Variants in RNF139 observed in about 807,000 individuals in gnomAD.
RNF139 encodes the protein ring finger protein 139.
Under a neutral mutation model 49.5 loss-of-function variants are expected in RNF139, and 15 were observed. The observed-to-expected ratio is 0.30, with a 90% CI of 0.20 to 0.47. The LOEUF is 0.47. Among genes scored for constraint, RNF139 ranks in the 20% least tolerant of loss-of-function variants. The pLI is 1.00. For synonymous variants in RNF139, 325 were observed against 300.9 expected, an observed-to-expected ratio of 1.08 and a Z score of -0.83; for missense variants, 619 against 806.3, an observed-to-expected ratio of 0.77 and a Z score of 2.81.
Position 124,487,664 on chromosome 8 carries a change from T to C in RNF139, c.*20T>C. The C allele has an allele frequency of 6.4e-7, 1 of 1,569,308 alleles. No homozygotes were observed. The highest frequency in any genetic ancestry group is 1.2e-5 in the South Asian group (1 of 83,964). On this transcript the variant is annotated 3_prime_UTR_variant, in exon 2 of 2. Transcript: ENST00000303545. ...GACTGATGAAAATAGCATTTATTAA[T>C]GATTGAGGTATTTGTTTAAAATTCA...
chr8:124,487,367 G>A lies in RNF139; in HGVS notation c.1718G>A (p.Arg573Gln), dbSNP rs189596016. 2 of 1,614,028 alleles carry A rather than the reference G, an allele frequency of 1.2e-6. No individual in the cohort carries two copies. The highest frequency in any genetic ancestry group is 3.3e-4 in the Middle Eastern group (2 of 6,062). ...CNHYFHALCL[R>Q]KWLYIQDTCP... ...CATTATTTCCATGCACTTTGCCTTCGGAAATGGCTGTACATTCAAGATACT... is the reference window on the plus strand; with the variant it reads ...CATTATTTCCATGCACTTTGCCTTCAGAAATGGCTGTACATTCAAGATACT... Residue 573 changes from arginine (R) to glutamine (Q), a missense_variant, in exon 2 of 2, where the codon CGG (arginine) becomes CAG (glutamine). Transcript: ENST00000303545.
At chr8:124,480,048 G>T (rs1011910223) in intron 1 of RNF139, among the ~76,000 whole-genome samples, 1 of 151,822 alleles carries the variant, frequency 6.6e-6, no homozygotes, top group Non-Finnish European at 1.5e-5. Context: ...TGAGAAGATC[G>T]CTTGGGCCTA....
Position 124,487,797 on chromosome 8 carries a change from C to T in RNF139, c.*153C>T. On this transcript the variant is annotated 3_prime_UTR_variant, in exon 2 of 2. Coordinates refer to ENST00000303545, the MANE Select transcript of RNF139 (RefSeq NM_007218.4). Reference sequence around the variant, plus strand: ...GTTTTCCGTTTACTGTGATGTGCTACTGTAAATATACCTCTTTAATTACTT... The same window carrying T: ...GTTTTCCGTTTACTGTGATGTGCTATTGTAAATATACCTCTTTAATTACTT... The T allele has an allele frequency of 1.5e-6, 1 of 680,502 alleles. No individual in the cohort carries two copies. Among genetic ancestry groups the T allele is most frequent in the Admixed American group, 3.2e-5 (1 of 31,266 alleles). 42.2% of individuals were successfully genotyped at this position (680,502 alleles called of 1,614,324 possible).
Position 124,488,023 on chromosome 8 carries a change from G to A in RNF139, c.*379G>A. 1 of 166,338 alleles carries A rather than the reference G, an allele frequency of 6.0e-6. No homozygotes were observed. Among genetic ancestry groups the A allele is most frequent in the Non-Finnish European group, 1.3e-5 (1 of 77,614 alleles). 10.3% of individuals were successfully genotyped at this position (166,338 alleles called of 1,614,324 possible). ...CTCAGTTTTTCTTTAGAAATGGGTG[G>A]GAGAATGAAAATGCAAATCAGGAAA... On this transcript the variant is annotated 3_prime_UTR_variant, in exon 2 of 2. Coordinates refer to ENST00000303545, the MANE Select transcript of RNF139 (RefSeq NM_007218.4).
chr8:124,481,442 C>G (rs1816407025), intron 1 of RNF139, among the ~76,000 whole-genome samples: 1 of 152,090 alleles, frequency 6.6e-6, no homozygotes, highest in Non-Finnish European at 1.5e-5. Context: ...GAGTGAAACA[C>G]TTTGTTATGT....
rs1816565646 is a variant in RNF139 at position 124,487,693 on chromosome 8, C to T, written c.*49C>T. The T allele has an allele frequency of 6.6e-7, 1 of 1,525,592 alleles. No homozygotes were observed. The highest frequency in any genetic ancestry group is 2.0e-5 in the Admixed American group (1 of 50,338). 94.5% of individuals were successfully genotyped at this position (1,525,592 alleles called of 1,614,324 possible). On this transcript the variant is annotated 3_prime_UTR_variant, in exon 2 of 2. Coordinates refer to ENST00000303545, the MANE Select transcript of RNF139 (RefSeq NM_007218.4). Reference sequence around the variant, plus strand: ...TGAGGTATTTGTTTAAAATTCAGTTCATCCAAAATGGAGTAATATCCTTCA... The same window carrying T: ...TGAGGTATTTGTTTAAAATTCAGTTTATCCAAAATGGAGTAATATCCTTCA...
Position 124,488,611 on chromosome 8 carries a change from ATACTT to A in RNF139, c.*970_*974del, listed in dbSNP as rs772491425. The A allele has an allele frequency of 2.2e-5, 34 of 1,557,478 alleles. No individual in the cohort carries two copies. Among genetic ancestry groups the A allele is most frequent in the Middle Eastern group, 1.8e-4 (1 of 5,662 alleles). On this transcript the variant is annotated 3_prime_UTR_variant, in exon 2 of 2. Transcript: ENST00000303545. ...TATACCAATTATATTCCAGGAAAAA[ATACTT>A]TAATAGTATTGTTATATAGTGTATT...
chr8:124,486,491 T>C lies in RNF139; in HGVS notation c.842T>C (p.Ile281Thr), dbSNP rs1816533031. ...TTTTGGGACCTCATTTGCAATCTTATAATTAGTGGGTGCGATTCTACACTA... is the reference window on the plus strand; with the variant it reads ...TTTTGGGACCTCATTTGCAATCTTACAATTAGTGGGTGCGATTCTACACTA... ...DDFWDLICNL[I>T]ISGCDSTLTV... The change falls in exon 2 of 2, where the codon ATA (isoleucine) becomes ACA (threonine). Residue 281 changes from isoleucine to threonine, a missense_variant. Around this residue, in one of 2 missense-constraint regions of RNF139, gnomAD observed 530 missense variants for 728.9 expected, o/e 0.73. Transcript: ENST00000303545. 2 of 1,614,144 alleles carry C rather than the reference T, an allele frequency of 1.2e-6. No individual in the cohort carries two copies. The highest frequency in any genetic ancestry group is 1.7e-6 in the Non-Finnish European group (2 of 1,179,968).
rs200015497 is a variant in RNF139, at chr8:124,485,063, TA to T, written c.182-759del. On this transcript the variant is annotated intron_variant, in intron 1 of 1. Transcript: ENST00000303545. ...GAACTTGATTTCCTAAAGAATCCTT[TA>T]AAAAAAAATCTAAAACTTGGCTGGG... 5.8e-4 allele frequency among the ~76,000 whole-genome samples: 88 copies of T among 151,806 alleles called. 1 individual carries two copies. In the East Asian group the frequency reaches 0.016, roughly 27 times the overall value.
intron 1 of RNF139, among the ~76,000 whole-genome samples, chr8:124,480,484 A>G (rs1410745346): frequency 1.3e-5 from 2 of 151,960 alleles, no homozygotes; most frequent in Admixed American, 1.3e-4. Flanking sequence ...CATTTATTAT[A>G]AAGGCAATTA....
At chr8:124,477,524 C>T (rs1816333604) in intron 1 of RNF139, among the ~76,000 whole-genome samples, 1 of 152,088 alleles carries the variant, frequency 6.6e-6, no homozygotes, top group Non-Finnish European at 1.5e-5. Flanking sequence ...AAAGCATTAC[C>T]AGTTTTATGT....
At chr8:124,478,354 C>T (rs943038834) in intron 1 of RNF139, among the ~76,000 whole-genome samples, 2 of 152,004 alleles carry the variant, frequency 1.3e-5, no homozygotes, top group African/African-American at 4.8e-5. Flanking sequence ...CGGTGGCTCA[C>T]GCCTATAATC....
intron 1 of RNF139, among the ~76,000 whole-genome samples, chr8:124,477,088 T>C (rs1816326975): frequency 6.6e-6 from 1 of 152,232 alleles, no homozygotes; most frequent in Non-Finnish European, 1.5e-5. Context: ...AAATCTATTT[T>C]AATGCTTCAT....
rs1339604906 is a variant in RNF139 at position 124,475,273 on chromosome 8, T to A, written c.164T>A (p.Ile55Asn). 1.2e-6 allele frequency: 2 copies of A among 1,613,146 alleles called. No individual in the cohort carries two copies. The stretch of plus-strand genomic sequence containing the variant: ...AGCCGGTTCTGCATCGTGCTCCAGA[T>A]CTTCCTCCGGCTCTTTGGTAAGGGA... ...SQSRFCIVLQ[I>N]FLRLFGVFAS... Residue 55 changes from isoleucine (I) to asparagine (N), a missense_variant, in exon 1 of 2, where the codon ATC (isoleucine) becomes AAC (asparagine). Transcript: ENST00000303545.
intron 1 of RNF139, among the ~76,000 whole-genome samples, chr8:124,477,458 G>GTCAA (rs988045792): frequency 1.4e-4 from 21 of 152,108 alleles, no homozygotes; most frequent in African/African-American, 4.1e-4. Flanking sequence ...CTTACCACTT[G>GTCAA]TCAACCTCAC....
intron 1 of RNF139, among the ~76,000 whole-genome samples, chr8:124,481,106 T>G (rs1563630427): frequency 6.6e-6 from 1 of 152,000 alleles, no homozygotes; most frequent in Admixed American, 6.6e-5. Context: ...GAATACCAGG[T>G]TTTTTTTCAA....
intron 1 of RNF139, 106 bp from the exon 2 acceptor site, chr8:124,485,722 AACT>A: frequency 1.0e-6 from 1 of 980,512 alleles, no homozygotes; most frequent in Non-Finnish European, 1.5e-6. Context: ...TAATGTTCAT[AACT>A]GAAAATATTC....
At chr8:124,477,154 G>C (rs1262340724) in intron 1 of RNF139, among the ~76,000 whole-genome samples, 1 of 152,092 alleles carries the variant, frequency 6.6e-6, no homozygotes, top group Non-Finnish European at 1.5e-5. Flanking sequence ...GCAAAATATT[G>C]GTGTTGTTTA....
Position 124,486,714 on chromosome 8 carries a change from C to T in RNF139, c.1065C>T (p.Asn355=), listed in dbSNP as rs748583951. ...PEERLIRLSR[N]MCLLLTAVLH... ...AGAGACTTATTCGCTTAAGTAGAAA[C>T]ATGTGCCTTTTATTAACTGCAGTCC... Residue 355 remains asparagine (N), a synonymous_variant, in exon 2 of 2, where the codon AAC becomes AAT. Transcript: ENST00000303545. 6.2e-7 allele frequency: 1 copy of T among 1,614,108 alleles called. No individual in the cohort carries two copies. The highest frequency in any genetic ancestry group is 8.5e-7 in the Non-Finnish European group (1 of 1,180,002).
Sources: allele counts gnomAD v4.1 joint callset (sites outside exome capture counted in the v4.1 genomes callset), GRCh38; gene constraint gnomAD v4.1.1; regional missense constraint gnomAD v4.1.1; transcripts MANE v1.5; gene names NCBI Gene and HGNC (gene_info 2026-07-23, HGNC 2026-07-21).